The following CHST9 variants were observed in gnomAD, a reference collection of about 807,000 sequenced individuals.
The protein encoded by CHST9 is GalNAc-4-sulfotransferase 2.
CHST9 carries 41 observed loss-of-function variants against 44.4 expected under a neutral mutation model. That is an observed-to-expected ratio of 0.92 (90% CI 0.72 to 1.20). The LOEUF (loss-of-function observed/expected upper bound fraction) is 1.20, where lower values mean the gene tolerates loss of function less well. CHST9 is among the 50% of genes most tolerant of loss of function. The pLI is 0.00. For missense variants in CHST9, 504 were observed against 516.5 expected, an observed-to-expected ratio of 0.98 and a Z score of 0.23; for synonymous variants, 171 against 178.4, an observed-to-expected ratio of 0.96 and a Z score of 0.33.
intron 2 of CHST9, among the ~76,000 whole-genome samples, chr18:27,094,379 A>G (rs1258759632): frequency 1.3e-5 from 2 of 152,202 alleles, no homozygotes; most frequent in African/African-American, 4.8e-5. Flanking sequence ...CCTCTCTTTT[A>G]TTCAAAATTC....
intron 4 of CHST9, among the ~76,000 whole-genome samples, chr18:27,001,787 T>A (rs746350633): frequency 6.6e-6 from 1 of 152,152 alleles, no homozygotes; most frequent in Non-Finnish European, 1.5e-5. Flanking sequence ...AAGTTTGGAC[T>A]GGGTAAAATG....
Position 27,104,433 on chromosome 18 carries a change from G to C in CHST9, c.121+38256C>G, listed in dbSNP as rs550450493. Among the ~76,000 whole-genome samples, 12 of 152,250 alleles carry C rather than the reference G, an allele frequency of 7.9e-5. No individual in the cohort carries two copies. The South Asian group carries it at 2.5e-3, about 32-fold the overall frequency. ...GTTGTTACTTTTGTTTTCTGTGACT[G>C]GTGATAAATCACCCTTAATGAAGAC... On this transcript the variant is annotated intron_variant, in intron 2 of 5. Coordinates refer to ENST00000618847, the MANE Select transcript of CHST9 (RefSeq NM_031422.6).
intron 2 of CHST9, among the ~76,000 whole-genome samples, chr18:27,119,541 T>C (rs980308952): frequency 2.0e-5 from 3 of 152,216 alleles, no homozygotes; most frequent in Non-Finnish European, 4.4e-5. Context: ...CCTGATTACT[T>C]GCCCCTCTCC....
At chr18:27,117,374 G>T (rs1177582342) in intron 2 of CHST9, among the ~76,000 whole-genome samples, 1 of 151,960 alleles carries the variant, frequency 6.6e-6, no homozygotes, top group African/African-American at 2.4e-5. Context: ...CATTACAGTG[G>T]AACACTGGTT....
intron 2 of CHST9, among the ~76,000 whole-genome samples, chr18:27,067,627 G>A (rs1023167848): frequency 3.3e-5 from 5 of 151,894 alleles, no homozygotes; most frequent in African/African-American, 9.7e-5. Flanking sequence ...TTCTGCTCTC[G>A]TATCTTCACT....
chr18:27,148,461 T>C (rs2143889565), intron 1 of CHST9, among the ~76,000 whole-genome samples: 1 of 131,152 alleles, frequency 7.6e-6, no homozygotes, highest in Admixed American at 9.3e-5. Context: ...CCTGTGTCCA[T>C]GTATTCTCAT....
intron 2 of CHST9, among the ~76,000 whole-genome samples, chr18:27,141,520 G>A (rs1415241931): frequency 1.3e-5 from 2 of 148,502 alleles, no homozygotes; most frequent in Non-Finnish European, 3.0e-5. Context: ...GAACCTGGGA[G>A]GCAGAGGTTG....
At chr18:26,993,601 A>G (rs1364973332) in intron 4 of CHST9, among the ~76,000 whole-genome samples, 2 of 152,212 alleles carry the variant, frequency 1.3e-5, no homozygotes, top group Non-Finnish European at 2.9e-5. Context: ...AATGAGTAAA[A>G]AGAAAGACAA....
chr18:27,119,507 T>C (rs1411661717), intron 2 of CHST9, among the ~76,000 whole-genome samples: 2 of 152,206 alleles, frequency 1.3e-5, no homozygotes, highest in African/African-American at 4.8e-5. Context: ...TCTGTTTCAC[T>C]GTAATTAGCT....
chr18:27,091,770 C>A (rs1028426448), intron 2 of CHST9, among the ~76,000 whole-genome samples: 31 of 152,104 alleles, frequency 2.0e-4, no homozygotes, highest in Admixed American at 2.0e-3. Flanking sequence ...ATATGTTGAA[C>A]CAGCTTTGCA....
chr18:27,104,229 C>G (rs1013343701), intron 2 of CHST9, among the ~76,000 whole-genome samples: 1 of 149,778 alleles, frequency 6.7e-6, no homozygotes, highest in African/African-American at 2.5e-5. Context: ...TTATAAATTG[C>G]AACAGATGGA....
intron 1 of CHST9, among the ~76,000 whole-genome samples, chr18:27,153,540 C>CTG (rs1246625511): frequency 3.8e-5 from 4 of 104,702 alleles, no homozygotes; most frequent in African/African-American, 1.4e-4. Context: ...CTCTCTCTCT[C>CTG]TCTCTCTGTG....
chr18:27,000,050 A>G (rs2056930669), intron 4 of CHST9, among the ~76,000 whole-genome samples: 1 of 152,242 alleles, frequency 6.6e-6, no homozygotes, highest in Non-Finnish European at 1.5e-5. Flanking sequence ...CATTCAACTC[A>G]GTAACATGCT....
chr18:27,033,867 C>T (rs764278085), intron 3 of CHST9, among the ~76,000 whole-genome samples: 1 of 152,148 alleles, frequency 6.6e-6, no homozygotes, highest in Admixed American at 6.5e-5. Context: ...AAACATGCTC[C>T]GGCTCCTGTG....
chr18:27,126,780 A>G (rs1472763373), intron 2 of CHST9, among the ~76,000 whole-genome samples: 1 of 152,054 alleles, frequency 6.6e-6, no homozygotes, highest in East Asian at 1.9e-4. Flanking sequence ...AGTGAGGACA[A>G]TGGGATGGTG....
At position 26,944,195 on chromosome 18, in the gene CHST9, T is replaced by C. The variant is rs986591636; in HGVS notation, c.240+134A>G. 10 of 687,554 alleles carry C rather than the reference T, an allele frequency of 1.5e-5. 1 individual carries two copies. In the Admixed American group the frequency reaches 2.4e-4, roughly 17 times the overall value. The allele number at this position is 687,554 out of a possible 1,614,324, so 42.6% of individuals were successfully genotyped here. ...CTACATATGACCAAATATGTTTTTT[T>C]CCCCAGAACCAATAACATATATATT... On this transcript the variant is annotated intron_variant, in intron 5 of 5. Coordinates refer to ENST00000618847, the MANE Select transcript of CHST9 (RefSeq NM_031422.6).
At chr18:27,146,481 G>T (rs1038424884) in intron 1 of CHST9, among the ~76,000 whole-genome samples, 7 of 152,200 alleles carry the variant, frequency 4.6e-5, no homozygotes, top group African/African-American at 1.7e-4. Flanking sequence ...GCTGTGATGG[G>T]AAAACACACC....
chr18:27,089,885 A>G (rs2058051178), intron 2 of CHST9, among the ~76,000 whole-genome samples: 2 of 146,004 alleles, frequency 1.4e-5, no homozygotes, highest in Admixed American at 1.4e-4. Context: ...ATCTGGGCTC[A>G]GTGCAAGCTC....
In CHST9 at chr18:26,916,314, T is replaced by G; in HGVS notation, c.1277A>C (p.Tyr426Ser). 2 of 1,605,982 alleles carry G rather than the reference T, an allele frequency of 1.2e-6. No individual in the cohort carries two copies. The highest frequency in any genetic ancestry group is 1.7e-6 in the Non-Finnish European group (2 of 1,173,516). ...DLTRTERQLI[Y>S]DFYYLDYLMF... is the part of the protein sequence containing the mutation. ...TAAATAGTCCAAGTAATAAAAGTCA[T>G]AGATTAATTGTCTCTCAGTTCTAGT... Residue 426 changes from tyrosine to serine, a missense_variant, in exon 6 of 6, where the codon TAT (tyrosine) becomes TCT (serine). Physicochemically the swap from Tyr to Ser is moderately radical, Grantham distance 144 (BLOSUM62 -2). Transcript: ENST00000618847.
Sources: gnomAD v4.1 joint callset for allele counts (sites outside exome capture counted in the v4.1 genomes callset) on GRCh38, gnomAD v4.1.1 for gene constraint, MANE v1.5 for transcripts, NCBI Gene and HGNC (gene_info 2026-07-23, HGNC 2026-07-21) for gene names.